GRM7: variants seen among roughly 807,000 people sequenced by gnomAD.
The protein encoded by GRM7 is metabotropic glutamate receptor 7.
GRM7 carries 35 observed loss-of-function variants against 84.5 expected under a neutral mutation model. The ratio of observed to expected loss-of-function variants is 0.41; its 90% CI spans 0.32 to 0.55. GRM7 has a LOEUF of 0.55. GRM7 is among the 20% of genes least tolerant of loss of function. The pLI is 0.19. For missense variants in GRM7, 1,003 were observed against 1,194.6 expected, an observed-to-expected ratio of 0.84 and a Z score of 2.36; for synonymous variants, 487 against 455.1, an observed-to-expected ratio of 1.07 and a Z score of -0.89.
chr3:7,033,482 G>A (rs915309677), intron 1 of GRM7, among the ~76,000 whole-genome samples: 19 of 152,058 alleles, frequency 1.2e-4, no homozygotes, highest in African/African-American at 2.4e-4. Flanking sequence ...ATAAAAACAC[G>A]TTCAAAATAT....
At chr3:6,974,437 T>C (rs1029010910) in intron 1 of GRM7, among the ~76,000 whole-genome samples, 1 of 152,184 alleles carries the variant, frequency 6.6e-6, no homozygotes, top group African/African-American at 2.4e-5. Context: ...TTTGTTGAGA[T>C]GTTGTTGAGA....
chr3:7,294,172 G>A (rs998600023), intron 2 of GRM7, among the ~76,000 whole-genome samples: 21 of 152,114 alleles, frequency 1.4e-4, no homozygotes, highest in African/African-American at 4.1e-4. Context: ...AGTGTACACC[G>A]GGTGAGCCCT....
intron 2 of GRM7, among the ~76,000 whole-genome samples, chr3:7,195,359 T>C (rs531373952): frequency 1.3e-5 from 2 of 152,186 alleles, no homozygotes; most frequent in East Asian, 1.9e-4. Context: ...CAAATTGCAA[T>C]AGAACCCCTT....
intron 7 of GRM7, among the ~76,000 whole-genome samples, chr3:7,472,074 G>A (rs1559346585): frequency 6.6e-6 from 1 of 152,106 alleles, no homozygotes; most frequent in South Asian, 2.1e-4. Flanking sequence ...AGAGCTGGGT[G>A]TTAAAAAGCC....
intron 4 of GRM7, among the ~76,000 whole-genome samples, chr3:7,349,096 C>T (rs73809069): frequency 0.031 from 4,688 of 152,146 alleles, 229 homozygotes; most frequent in African/African-American, 0.1. Context: ...GTCTTCCCTC[C>T]CTAGTTTTCA....
chr3:7,198,520 G>GT (rs974002026), intron 2 of GRM7, among the ~76,000 whole-genome samples: 31 of 152,106 alleles, frequency 2.0e-4, no homozygotes, highest in African/African-American at 7.2e-4. Flanking sequence ...TAAACCCATT[G>GT]TAAGTCTGAA....
chr3:7,554,679 T>C (rs934168788), intron 7 of GRM7, among the ~76,000 whole-genome samples: 6 of 152,206 alleles, frequency 3.9e-5, no homozygotes, highest in Admixed American at 6.5e-5. Context: ...TGGTAGGTCC[T>C]GGGCTCCATT....
chr3:7,250,411 A>G (rs1697935282), intron 2 of GRM7, among the ~76,000 whole-genome samples: 2 of 151,760 alleles, frequency 1.3e-5, no homozygotes, highest in African/African-American at 4.8e-5. Context: ...TTTGGTGTTG[A>G]TAAATAAGCA....
intron 7 of GRM7, among the ~76,000 whole-genome samples, chr3:7,496,886 G>C (rs1277086346): frequency 6.6e-6 from 1 of 152,030 alleles, no homozygotes; most frequent in East Asian, 1.9e-4. Context: ...ATGTTAATTG[G>C]TGAAAGGATA....
chr3:7,506,694 G>A (rs1357950235), intron 7 of GRM7, among the ~76,000 whole-genome samples: 1 of 152,030 alleles, frequency 6.6e-6, no homozygotes, highest in Non-Finnish European at 1.5e-5. Context: ...GGGCATAAAG[G>A]CTCTTGGCAA....
chr3:7,303,175 T>C (rs939532111), intron 3 of GRM7, among the ~76,000 whole-genome samples: 1 of 152,084 alleles, frequency 6.6e-6, no homozygotes, highest in African/African-American at 2.4e-5. Flanking sequence ...CTCCTGACCT[T>C]GTGATCCACC....
chr3:7,721,904 A>T (rs1173193579), intron 9 of GRM7, among the ~76,000 whole-genome samples: 1 of 152,208 alleles, frequency 6.6e-6, no homozygotes, highest in Non-Finnish European at 1.5e-5. Context: ...AAAGCACAAG[A>T]TTTCGAGGTC....
At chr3:6,916,262 C>T (rs190726866) in intron 1 of GRM7, among the ~76,000 whole-genome samples, 2 of 151,968 alleles carry the variant, frequency 1.3e-5, no homozygotes, top group East Asian at 1.9e-4. Flanking sequence ...CAGGAAGGAC[C>T]GATTCAGACA....
intron 5 of GRM7, among the ~76,000 whole-genome samples, chr3:7,436,106 C>T (rs546103274): frequency 9.2e-5 from 14 of 151,778 alleles, no homozygotes; most frequent in African/African-American, 3.4e-4. Flanking sequence ...CTTGGCCTCC[C>T]AAAGTGCCGG....
At chr3:6,946,891 C>T (rs1260156003) in intron 1 of GRM7, among the ~76,000 whole-genome samples, 3 of 152,124 alleles carry the variant, frequency 2.0e-5, no homozygotes, top group Non-Finnish European at 4.4e-5. Flanking sequence ...GTGATTTTTG[C>T]ACATTGATTT....
chr3:7,206,345 T>G (rs566107289), intron 2 of GRM7, among the ~76,000 whole-genome samples: 1 of 152,290 alleles, frequency 6.6e-6, no homozygotes, highest in African/African-American at 2.4e-5. Flanking sequence ...TCTATGGAAT[T>G]TATTTAACTG....
intron 4 of GRM7, among the ~76,000 whole-genome samples, chr3:7,339,132 G>A (rs1039597108): frequency 2.6e-5 from 4 of 152,054 alleles, no homozygotes; most frequent in African/African-American, 9.7e-5. Flanking sequence ...GTAGGGATAT[G>A]ATTACACACT....
intron 2 of GRM7, among the ~76,000 whole-genome samples, chr3:7,257,681 CAAAAATA>C (rs1032809323): frequency 8.5e-5 from 13 of 152,136 alleles, no homozygotes; most frequent in Non-Finnish European, 1.5e-5. Context: ...TCATAATTAA[CAAAAATA>C]ATTACTGCTT....
intron 2 of GRM7, among the ~76,000 whole-genome samples, chr3:7,176,383 C>T (rs1451664802): frequency 6.6e-6 from 1 of 151,858 alleles, no homozygotes; most frequent in Non-Finnish European, 1.5e-5. Flanking sequence ...TGCCACTTCA[C>T]TCCAGTCTGG....
Sources: gnomAD v4.1 joint callset for allele counts (sites outside exome capture counted in the v4.1 genomes callset) on GRCh38, gnomAD v4.1.1 for gene constraint, MANE v1.5 for transcripts, NCBI Gene and HGNC (gene_info 2026-07-23, HGNC 2026-07-21) for gene names.